TEX11: variants seen among roughly 807,000 people sequenced by gnomAD.
The protein encoded by TEX11 is testis-expressed protein 11.
In TEX11, 7 loss-of-function variants were observed where a neutral mutation model predicts 84.4. The observed-to-expected ratio is 0.08, with a 90% CI of 0.05 to 0.16. The LOEUF is 0.16. Among genes scored for constraint, TEX11 ranks in the 10% least tolerant of loss-of-function variants. The pLI, the probability that TEX11 is intolerant of heterozygous loss-of-function variation, is 1.00. For synonymous variants in TEX11, 264 were observed against 222.8 expected (o/e 1.18, Z -1.64); for missense variants, 551 against 660.5 (o/e 0.83, Z 1.82).
At position 70,860,362 on chromosome X, in the gene TEX11, T is replaced by C. The variant is rs751154558; in HGVS notation, c.324+495A>G. Among the ~76,000 whole-genome samples the C allele has an allele frequency of 7.1e-5, 8 of 112,116 alleles. No individual in the cohort carries two copies. In the South Asian group the frequency reaches 3.0e-3, roughly 41 times the overall value. On this transcript the variant is annotated intron_variant, in intron 5 of 29. Coordinates refer to ENST00000374333, the MANE Select transcript of TEX11 (RefSeq NM_031276.3). ...CACAAAAACTCTAATTTTAACTCTA[T>C]AACACTCTAAGGTAGATATTACTAT...
intron 16 of TEX11, among the ~76,000 whole-genome samples, chrX:70,661,022 T>C (rs1365580943): frequency 8.9e-6 from 1 of 112,295 alleles, no homozygotes; most frequent in South Asian, 3.7e-4. Flanking sequence ...TGTTGGACAG[T>C]GGGTGCAGGA....
intron 25 of TEX11, among the ~76,000 whole-genome samples, chrX:70,580,812 T>C (rs2088761943): frequency 1.8e-5 from 2 of 112,043 alleles, no homozygotes; most frequent in Admixed American, 1.9e-4. Context: ...GAATCCCTGT[T>C]CTGACAAACT....
chrX:70,625,748 T>C (rs973932121), intron 18 of TEX11, among the ~76,000 whole-genome samples: 4 of 104,461 alleles, frequency 3.8e-5, no homozygotes, highest in South Asian at 4.4e-4. Context: ...GCTCCTGTCT[T>C]AATTTTTGGC....
chrX:70,875,882 A>G (rs2091653325), intron 3 of TEX11, among the ~76,000 whole-genome samples: 1 of 112,683 alleles, frequency 8.9e-6, no homozygotes, highest in Non-Finnish European at 1.9e-5. Flanking sequence ...TATGTACAGA[A>G]AGTTGTACAT....
chrX:70,661,295 G>A (rs972387010), intron 16 of TEX11, among the ~76,000 whole-genome samples: 1 of 112,403 alleles, frequency 8.9e-6, no homozygotes, highest in Non-Finnish European at 1.9e-5. Context: ...AGCAGTCTGA[G>A]ATCAAACTGC....
intron 9 of TEX11, among the ~76,000 whole-genome samples, chrX:70,749,824 C>G (rs965807305): frequency 9.1e-6 from 1 of 109,480 alleles, no homozygotes; most frequent in Non-Finnish European, 1.9e-5. Context: ...TTTGTTTTGC[C>G]AGTATTTTAT....
At chrX:70,512,421 G>C in the TEX11 span, among the ~76,000 whole-genome samples, 2 of 107,601 alleles carry the variant, frequency 1.9e-5, no homozygotes, top group African/African-American at 3.5e-5. Flanking sequence ...GTTTCACCAT[G>C]ATGGCCAGGC....
In TEX11 at chrX:70,530,970, G is replaced by A. The variant is rs1396453486; in HGVS notation, c.2521-971C>T. ...GCACTAGGATATTCCAGTCAGAGGC[G>A]GTCTAGTCTCTGCTTGAAACACTAC... On this transcript the variant is annotated intron_variant, in intron 28 of 29. Transcript: ENST00000374333. 3.6e-5 allele frequency among the ~76,000 whole-genome samples: 4 copies of A among 110,192 alleles called. No homozygotes were observed. In the Admixed American group the frequency reaches 3.9e-4, roughly 11 times the overall value.
At chrX:70,615,865 A>G (rs1480993823) in intron 20 of TEX11, among the ~76,000 whole-genome samples, 1 of 111,050 alleles carries the variant, frequency 9.0e-6, no homozygotes, top group East Asian at 2.8e-4. Context: ...ACTGGGAGAC[A>G]ATGGCATGAC....
intron 25 of TEX11, among the ~76,000 whole-genome samples, chrX:70,565,958 G>C (rs1177680744): frequency 9.1e-6 from 1 of 109,868 alleles, no homozygotes; most frequent in Non-Finnish European, 1.9e-5. Flanking sequence ...TTGGTAGCTT[G>C]ATGGGGATGG....
At chrX:70,837,416 G>A (rs2091412018) in intron 7 of TEX11, among the ~76,000 whole-genome samples, 1 of 110,512 alleles carries the variant, frequency 9.0e-6, no homozygotes, top group African/African-American at 3.3e-5. Flanking sequence ...AAAAAAATTA[G>A]CCAGGCAAGG....
chrX:70,852,488 C>G (rs2091514040), intron 7 of TEX11, among the ~76,000 whole-genome samples: 1 of 112,344 alleles, frequency 8.9e-6, no homozygotes, highest in Non-Finnish European at 1.9e-5. Context: ...CCATGCCCAG[C>G]TGGGGATTTT....
intron 24 of TEX11, among the ~76,000 whole-genome samples, chrX:70,603,828 T>C (rs5980978): frequency 0.29 from 31,386 of 109,099 alleles, 3,419 homozygotes; most frequent in Admixed American, 0.41. Context: ...ATATCCAGAA[T>C]CTACAAGGAA....
chrX:70,876,776 G>A (rs1198271243), intron 3 of TEX11, among the ~76,000 whole-genome samples: 2 of 111,026 alleles, frequency 1.8e-5, no homozygotes, highest in Non-Finnish European at 3.8e-5. Flanking sequence ...CAAAAAATTA[G>A]CTGGGTATGG....
chrX:70,688,189 C>G (rs948799090), intron 13 of TEX11, among the ~76,000 whole-genome samples: 3 of 111,399 alleles, frequency 2.7e-5, no homozygotes, highest in African/African-American at 9.8e-5. Flanking sequence ...TAAGACATGT[C>G]ATAGTCAAAT....
Position 70,857,002 on chromosome X carries a change from T to C in TEX11, c.325-3674A>G, listed in dbSNP as rs771604529. Among the ~76,000 whole-genome samples, 3 of 111,357 alleles carry C rather than the reference T, an allele frequency of 2.7e-5. No individual in the cohort carries two copies. The South Asian group carries it at 1.1e-3, about 43-fold the overall frequency. ...GATATTTGATTTGGGGAAATCTTTG[T>C]TAGGTTTTATCAGGTGTGGTAAAGT... On this transcript the variant is annotated intron_variant, in intron 5 of 29. Coordinates refer to ENST00000374333, the MANE Select transcript of TEX11 (RefSeq NM_031276.3).
chrX:70,518,718 G>A, the TEX11 span, among the ~76,000 whole-genome samples: 1 of 111,106 alleles, frequency 9.0e-6, no homozygotes, highest in Non-Finnish European at 1.9e-5. Context: ...TTTACAGTGG[G>A]GTGTTAAACT....
At chrX:70,616,541 A>C (rs2089319827) in intron 20 of TEX11, among the ~76,000 whole-genome samples, 2 of 111,904 alleles carry the variant, frequency 1.8e-5, no homozygotes, top group Admixed American at 9.5e-5. Flanking sequence ...GAAGGAAGAG[A>C]TAGTCAGTAC....
At position 70,793,868 on chromosome X, in the gene TEX11, C is replaced by CAA. The variant is rs113781168; in HGVS notation, c.692+12835_692+12836dup. Among the ~76,000 whole-genome samples, 48 of 91,564 alleles carry CAA rather than the reference C, an allele frequency of 5.2e-4. No individual in the cohort carries two copies. The East Asian group carries it at 0.012, about 23-fold the overall frequency. 79.5% of individuals were successfully genotyped at this position (91,564 alleles called of 115,157 possible). Reference sequence around the variant, plus strand: ...TATAACTAGAAAGCACTAAAGCCTCCAAAAAAAAAAAAGGCTCTTAGAACT... The same window carrying CAA: ...TATAACTAGAAAGCACTAAAGCCTCCAAAAAAAAAAAAAAGGCTCTTAGAACT... On this transcript the variant is annotated intron_variant, in intron 9 of 29. Transcript: ENST00000374333.
Sources: allele counts gnomAD v4.1 joint callset (sites outside exome capture counted in the v4.1 genomes callset), GRCh38; gene constraint gnomAD v4.1.1; transcripts MANE v1.5; gene names NCBI Gene and HGNC (gene_info 2026-07-23, HGNC 2026-07-21).